Variants in C5orf63 observed in about 807,000 individuals in gnomAD.
C5orf63 encodes the protein chromosome 5 open reading frame 63, also known as glutaredoxin-like protein C5orf63.
Under a neutral mutation model 13.3 loss-of-function variants are expected in C5orf63, and 18 were observed. The ratio of observed to expected loss-of-function variants is 1.36; its 90% CI spans 0.94 to 2.01. C5orf63 has a LOEUF of 2.01. Among genes scored for constraint, C5orf63 ranks in the 30% most tolerant of loss-of-function variants. C5orf63 has a pLI of 0.00. For missense variants in C5orf63, 118 were observed against 127.7 expected (o/e 0.92, Z 0.36); for synonymous variants, 38 against 44.7 (o/e 0.85, Z 0.60).
At chr5:127,052,898 T>C (rs1023532903) in intron 3 of C5orf63, among the ~76,000 whole-genome samples, 2 of 152,230 alleles carry the variant, frequency 1.3e-5, no homozygotes, top group Admixed American at 6.5e-5. Flanking sequence ...TTTGTTCTGA[T>C]TTTTCTCCAT....
At chr5:127,062,856 CAT>C (rs1334590490) in intron 2 of C5orf63, among the ~76,000 whole-genome samples, 1 of 152,032 alleles carries the variant, frequency 6.6e-6, no homozygotes, top group South Asian at 2.1e-4. Context: ...TTGATTATGT[CAT>C]TGAATTTAGT....
intron 2 of C5orf63, among the ~76,000 whole-genome samples, chr5:127,065,938 G>A (rs1754313277): frequency 1.3e-5 from 2 of 152,182 alleles, no homozygotes; most frequent in Non-Finnish European, 2.9e-5. Context: ...CCATGTGCTA[G>A]TGAAGAGACT....
chr5:127,057,299 T>C (rs1753922522), intron 3 of C5orf63, among the ~76,000 whole-genome samples: 1 of 152,244 alleles, frequency 6.6e-6, no homozygotes, highest in Admixed American at 6.5e-5. Flanking sequence ...ATTGCTAAAA[T>C]GCCTGAAATC....
At position 127,070,814 on chromosome 5, in the gene C5orf63, A is replaced by G. The variant is rs73339276; in HGVS notation, c.-8+770T>C. ...GGAGACAGGACTGGTGGAAGCTTTT[A>G]GCTTGCATATTCTAAACAACAAAGG... On this transcript the variant is annotated intron_variant, in intron 2 of 4. Coordinates refer to ENST00000296662, the MANE Select transcript of C5orf63 (RefSeq NM_001164478.2). 6.5e-3 allele frequency among the ~76,000 whole-genome samples: 994 copies of G among 152,306 alleles called. 13 individuals carry two copies. The highest frequency in any genetic ancestry group is 0.022 in the African/African-American group (899 of 41,576).
rs563543864 is a variant in C5orf63 at position 127,058,959 on chromosome 5, T to C, written c.37A>G (p.Arg13Gly). The C allele has an allele frequency of 1.4e-4, 222 of 1,537,296 alleles. No homozygotes were observed. Among genetic ancestry groups the C allele is most frequent in the Non-Finnish European group, 1.8e-4 (207 of 1,146,782 alleles). Reference protein sequence around the residue: ...WFQGNSMQLARSSFGLFLRNC... With the variant: ...WFQGNSMQLAGSSFGLFLRNC... ...CTCAAGAAGAGTCCAAAGGAGGATCTGGCAAGTTGCATGCTATTTCCTTGA... is the reference window on the plus strand; with the variant it reads ...CTCAAGAAGAGTCCAAAGGAGGATCCGGCAAGTTGCATGCTATTTCCTTGA... Residue 13 changes from arginine (R) to glycine (G), a missense_variant, in exon 3 of 5, where the codon AGA becomes GGA. Arg to Gly is a moderately radical substitution (Grantham distance 125, BLOSUM62 -2). Transcript: ENST00000296662.
intron 3 of C5orf63, 37 bp downstream of exon 3, chr5:127,058,845 T>C (rs1198605553): frequency 1.5e-6 from 2 of 1,351,486 alleles, no homozygotes; most frequent in Non-Finnish European, 2.0e-6. Flanking sequence ...AATGTACAAC[T>C]TTCTTCACCC....
Position 127,051,959 on chromosome 5 carries a change from A to G in C5orf63, c.172-12T>C, listed in dbSNP as rs971661791. 2 of 1,487,574 alleles carry G rather than the reference A, an allele frequency of 1.3e-6. No individual in the cohort carries two copies. The highest frequency in any genetic ancestry group is 1.7e-4 in the Middle Eastern group (1 of 5,734). The allele number at this position is 1,487,574 out of a possible 1,614,324, so 92.1% of individuals were successfully genotyped here. A position where few individuals can be genotyped will look rare whatever the true frequency, so the allele number is the denominator to read the frequency against. ...TCCTGTAAAATGAACTGAAACAGAGACAGACTAAAGCTCTGTATTTTAGAC... is the reference window on the plus strand; with the variant it reads ...TCCTGTAAAATGAACTGAAACAGAGGCAGACTAAAGCTCTGTATTTTAGAC... On this transcript the variant is annotated splice_polypyrimidine_tract_variant and intron_variant, in intron 4 of 4. Coordinates refer to ENST00000296662, the MANE Select transcript of C5orf63 (RefSeq NM_001164478.2).
chr5:127,049,270 C>T (rs1257261007), downstream of C5orf63, among the ~76,000 whole-genome samples: 2 of 152,122 alleles, frequency 1.3e-5, no homozygotes, highest in African/African-American at 4.8e-5. Context: ...CCCAATCTAC[C>T]TTGCCAGTCT....
At chr5:127,052,020 T>A (rs1187806649) in intron 4 of C5orf63, 73 bp from the exon 5 acceptor site, 1 of 1,132,174 alleles carries the variant, frequency 8.8e-7, no homozygotes, top group African/African-American at 1.6e-5. Flanking sequence ...GATAAACTGA[T>A]CCCCAGACCA....
rs1753692300 is a variant in C5orf63, at chr5:127,051,958, G to C, written c.172-11C>G. 1.3e-6 allele frequency: 2 copies of C among 1,489,158 alleles called. No individual in the cohort carries two copies. Among genetic ancestry groups the C allele is most frequent in the Non-Finnish European group, 1.8e-6 (2 of 1,123,594 alleles). 92.2% of individuals were successfully genotyped at this position (1,489,158 alleles called of 1,614,324 possible). A position where few individuals can be genotyped will look rare whatever the true frequency, so the allele number is the denominator to read the frequency against. ...CTCCTGTAAAATGAACTGAAACAGA[G>C]ACAGACTAAAGCTCTGTATTTTAGA... is the stretch of plus-strand genomic sequence containing the variant. On this transcript the variant is annotated splice_polypyrimidine_tract_variant and intron_variant, in intron 4 of 4. Coordinates refer to ENST00000296662, the MANE Select transcript of C5orf63 (RefSeq NM_001164478.2).
downstream of C5orf63, chr5:127,047,595 A>C (rs1256762102): frequency 1.6e-6 from 1 of 639,580 alleles, no homozygotes; most frequent in Admixed American, 2.4e-5. Flanking sequence ...TGTAACCAAT[A>C]CTCTAAATAT....
In C5orf63 at chr5:127,058,965, G is replaced by T. The variant is rs904773366; in HGVS notation, c.31C>A (p.Leu11Ile). The change falls in exon 3 of 5, where the codon CTT (leucine) becomes ATT (isoleucine). Residue 11 changes from leucine to isoleucine, a missense_variant. By Grantham distance (5) the Leu-to-Ile change is conservative (BLOSUM62 2). Transcript: ENST00000296662. ...AAGAGTCCAAAGGAGGATCTGGCAA[G>T]TTGCATGCTATTTCCTTGAAACCAG... MLWFQGNSMQ[L>I]ARSSFGLFLR... 1.1e-5 allele frequency: 17 copies of T among 1,537,150 alleles called. No homozygotes were observed. Among genetic ancestry groups the T allele is most frequent in the Non-Finnish European group, 1.4e-5 (16 of 1,146,676 alleles).
chr5:127,072,034 A>G (rs1754564287), intron 1 of C5orf63: 1 of 152,182 alleles, frequency 6.6e-6, no homozygotes, highest in African/African-American at 2.4e-5. Context: ...ACACAGCCAC[A>G]TATTCCTCTG....
intron 1 of C5orf63, chr5:127,073,022 T>C (rs1029655578): frequency 1.3e-5 from 2 of 152,212 alleles, no homozygotes; most frequent in African/African-American, 4.8e-5. Flanking sequence ...AAGGTCAACA[T>C]GGCTGCTCAA....
chr5:127,048,003 A>C, downstream of C5orf63: 1 of 611,716 alleles, frequency 1.6e-6, no homozygotes, highest in Non-Finnish European at 2.9e-6. Context: ...TGGACCCAAT[A>C]AACAGTTAAA....
chr5:127,056,190 T>C (rs1373721048), intron 3 of C5orf63, among the ~76,000 whole-genome samples: 3 of 152,168 alleles, frequency 2.0e-5, no homozygotes, highest in Non-Finnish European at 4.4e-5. Context: ...AGGCAATCAG[T>C]GCATCCTATC....
At chr5:127,048,505 T>G (rs1296025842), downstream of C5orf63, among the ~76,000 whole-genome samples, 2 of 152,038 alleles carry the variant, frequency 1.3e-5, no homozygotes, top group Non-Finnish European at 2.9e-5. Flanking sequence ...CTTTCTACTT[T>G]GGTAGAAAAT....
At chr5:127,046,841 G>C (rs1216733955), downstream of C5orf63, 2 of 152,344 alleles carry the variant, frequency 1.3e-5, no homozygotes, top group Non-Finnish European at 2.9e-5. Context: ...GCAGGCTGCA[G>C]CTATGAGGAA....
At chr5:127,055,757 T>C (rs749189619) in intron 3 of C5orf63, among the ~76,000 whole-genome samples, 9 of 152,190 alleles carry the variant, frequency 5.9e-5, no homozygotes, top group Non-Finnish European at 1.3e-4. Context: ...GCATGCTAAA[T>C]TACAGAAGTA....
Sources: gnomAD v4.1 joint callset for allele counts (sites outside exome capture counted in the v4.1 genomes callset) on GRCh38, gnomAD v4.1.1 for gene constraint, MANE v1.5 for transcripts, NCBI Gene and HGNC (gene_info 2026-07-23, HGNC 2026-07-21) for gene names.